The following CCDC73 variants were observed in gnomAD, a reference collection of about 807,000 sequenced individuals.
CCDC73 encodes the protein coiled-coil domain containing 73.
CCDC73 carries 95 observed loss-of-function variants against 116.5 expected under a neutral mutation model. The observed-to-expected ratio is 0.82, with a 90% CI of 0.69 to 0.97. The LOEUF is 0.97. CCDC73 is among the 50% of genes least tolerant of loss of function. The probability of loss-of-function intolerance (pLI) is 0.00; values close to 1 mark genes in which losing one functional copy is unlikely to be tolerated. For missense variants in CCDC73, 1,066 were observed against 1,206.8 expected (o/e 0.88, Z 1.73); for synonymous variants, 398 against 401.3 (o/e 0.99, Z 0.10).
At chr11:32,622,051 A>G (rs534836602) in intron 14 of CCDC73, among the ~76,000 whole-genome samples, 52 of 152,352 alleles carry the variant, frequency 3.4e-4, no homozygotes, top group African/African-American at 1.2e-3. Flanking sequence ...GAATGCTTTT[A>G]CATTGTTGGT....
chr11:32,764,060 A>G (rs929469866), intron 1 of CCDC73, among the ~76,000 whole-genome samples: 1 of 152,260 alleles, frequency 6.6e-6, no homozygotes, highest in African/African-American at 2.4e-5. Context: ...AGAAGTTTAT[A>G]GAAAAAACAG....
At chr11:32,656,304 C>A (rs1220461922) in intron 9 of CCDC73, among the ~76,000 whole-genome samples, 1 of 152,102 alleles carries the variant, frequency 6.6e-6, no homozygotes, top group African/African-American at 2.4e-5. Flanking sequence ...TGGTCTCGAT[C>A]TCCTGACCTT....
At chr11:32,823,337 G>A in the CCDC73 span, among the ~76,000 whole-genome samples, 11 of 152,228 alleles carry the variant, frequency 7.2e-5, 1 homozygote, top group Admixed American at 2.0e-4. Context: ...AGCCAGGCAT[G>A]GTGGTGGGCA....
At chr11:32,713,930 C>A (rs995082322) in intron 3 of CCDC73, among the ~76,000 whole-genome samples, 2 of 152,022 alleles carry the variant, frequency 1.3e-5, no homozygotes, top group Non-Finnish European at 2.9e-5. Flanking sequence ...CTAAAATTAA[C>A]CCCTAGAACA....
rs116253791 is a variant in CCDC73 at position 32,690,557 on chromosome 11, C to T, written c.391-6983G>A. Reference sequence around the variant, plus strand: ...GGGGGCAGTTTCTAATGGTTAGCACCGTCCCCCTAGTGCTGCCTCATGACG... The same window carrying T: ...GGGGGCAGTTTCTAATGGTTAGCACTGTCCCCCTAGTGCTGCCTCATGACG... On this transcript the variant is annotated intron_variant, in intron 6 of 17. Transcript: ENST00000335185. 5.2e-3 allele frequency among the ~76,000 whole-genome samples: 785 copies of T among 152,210 alleles called. 9 individuals are homozygous for T. The highest frequency in any genetic ancestry group is 0.018 in the African/African-American group (739 of 41,530).
intron 5 of CCDC73, among the ~76,000 whole-genome samples, chr11:32,700,527 C>T (rs1849802600): frequency 6.6e-6 from 1 of 152,184 alleles, no homozygotes; most frequent in African/African-American, 2.4e-5. Context: ...AATTTTGCCA[C>T]TTCAAAGTGA....
chr11:32,644,526 T>C (rs172100), intron 12 of CCDC73, among the ~76,000 whole-genome samples: 65,947 of 152,058 alleles, frequency 0.43, 14,723 homozygotes, highest in African/African-American at 0.49. Flanking sequence ...TTTTTAGGTG[T>C]ATAATTCAGT....
In CCDC73 at chr11:32,709,570, A is replaced by G. The variant is rs1010960913; in HGVS notation, c.208-6626T>C. Among the ~76,000 whole-genome samples the G allele has an allele frequency of 2.0e-5, 3 of 152,282 alleles. No individual in the cohort carries two copies. In the East Asian group the frequency reaches 5.8e-4, roughly 29 times the overall value. ...CTTAGCCTCTCAAGGTGCTGGGATTACAGGTGTGAGCCACCATGCACAGCC... is the reference window on the plus strand; with the variant it reads ...CTTAGCCTCTCAAGGTGCTGGGATTGCAGGTGTGAGCCACCATGCACAGCC... On this transcript the variant is annotated intron_variant, in intron 3 of 17. Coordinates refer to ENST00000335185, the MANE Select transcript of CCDC73 (RefSeq NM_001008391.4).
At chr11:32,820,471 A>G in the CCDC73 span, among the ~76,000 whole-genome samples, 2 of 152,186 alleles carry the variant, frequency 1.3e-5, no homozygotes, top group Non-Finnish European at 2.9e-5. Context: ...TTTTTAATAT[A>G]TGTAGAAAAT....
chr11:32,828,535 G>A, the CCDC73 span, among the ~76,000 whole-genome samples: 1 of 151,688 alleles, frequency 6.6e-6, no homozygotes, highest in African/African-American at 2.4e-5. Context: ...AAAATGAAGG[G>A]GGAAAAAATG....
intron 9 of CCDC73, among the ~76,000 whole-genome samples, chr11:32,662,449 T>C (rs1855938267): frequency 6.6e-6 from 1 of 152,228 alleles, no homozygotes; most frequent in Non-Finnish European, 1.5e-5. Flanking sequence ...TGATGAGCAT[T>C]TTTTCATGTG....
Position 32,654,985 on chromosome 11 carries a change from C to T in CCDC73, c.646-13G>A. 6.4e-7 allele frequency: 1 copy of T among 1,556,704 alleles called. No individual in the cohort carries two copies. Among genetic ancestry groups the T allele is most frequent in the Non-Finnish European group, 8.6e-7 (1 of 1,161,050 alleles). Reference sequence around the variant, plus strand: ...CTTTTTTTAGTTCCTTAATAAGAAACATATCAAACAGAAAATTCAGTACAC... The same window carrying T: ...CTTTTTTTAGTTCCTTAATAAGAAATATATCAAACAGAAAATTCAGTACAC... On this transcript the variant is annotated splice_polypyrimidine_tract_variant and intron_variant, in intron 9 of 17. Coordinates refer to ENST00000335185, the MANE Select transcript of CCDC73 (RefSeq NM_001008391.4).
intron 9 of CCDC73, among the ~76,000 whole-genome samples, chr11:32,666,912 G>T (rs1305295696): frequency 1.3e-5 from 2 of 152,196 alleles, no homozygotes; most frequent in Non-Finnish European, 2.9e-5. Context: ...GTTGGAGTTT[G>T]CTGGAGGTCC....
At chr11:32,696,858 A>AT (rs562273835) in intron 6 of CCDC73, among the ~76,000 whole-genome samples, 3,960 of 141,110 alleles carry the variant, frequency 0.028, 75 homozygotes, top group African/African-American at 0.053. Flanking sequence ...AAACACAAGG[A>AT]TTTTTTTTTT....
At chr11:32,828,832 A>G in the CCDC73 span, among the ~76,000 whole-genome samples, 1 of 152,234 alleles carries the variant, frequency 6.6e-6, no homozygotes, top group Non-Finnish European at 1.5e-5. Context: ...AATTTTCAAA[A>G]TATTATTTGA....
rs551686347 is a variant in CCDC73 at position 32,699,460 on chromosome 11, G to A, written c.316-135C>T. On this transcript the variant is annotated intron_variant, in intron 5 of 17. Coordinates refer to ENST00000335185, the MANE Select transcript of CCDC73 (RefSeq NM_001008391.4). The stretch of plus-strand genomic sequence containing the variant: ...TCTAATGTAAATAATAATACAAAGG[G>A]TAAAATATAAGAGCTCAAGAACCAA... 1.3e-5 allele frequency: 15 copies of A among 1,130,602 alleles called. No individual in the cohort carries two copies. In the South Asian group the frequency reaches 2.4e-4, roughly 18 times the overall value. The allele number at this position is 1,130,602 out of a possible 1,614,324, so 70.0% of individuals were successfully genotyped here.
intron 12 of CCDC73, among the ~76,000 whole-genome samples, chr11:32,644,129 T>C (rs1223345730): frequency 6.6e-6 from 1 of 152,108 alleles, no homozygotes; most frequent in Non-Finnish European, 1.5e-5. Flanking sequence ...ATGTGGTACA[T>C]ATACACCATG....
intron 2 of CCDC73, among the ~76,000 whole-genome samples, chr11:32,753,301 T>C (rs1362652458): frequency 1.3e-5 from 2 of 150,484 alleles, no homozygotes; most frequent in Non-Finnish European, 3.0e-5. Context: ...TGCTTTTTTT[T>C]TTTTTTTTCT....
rs1849960821 is a variant in CCDC73 at position 32,718,059 on chromosome 11, C to T, written c.207+17G>A. ...TGAGATTTGGCTGGGGACACAAAGC[C>T]TAATCATATTACTCACCTTTTGCCA... On this transcript the variant is annotated intron_variant, in intron 3 of 17. Coordinates refer to ENST00000335185, the MANE Select transcript of CCDC73 (RefSeq NM_001008391.4). 6.4e-7 allele frequency: 1 copy of T among 1,572,262 alleles called. No homozygotes were observed. The highest frequency in any genetic ancestry group is 8.7e-7 in the Non-Finnish European group (1 of 1,149,356).
Sources: gnomAD v4.1 joint callset for allele counts (sites outside exome capture counted in the v4.1 genomes callset) on GRCh38, gnomAD v4.1.1 for gene constraint, MANE v1.5 for transcripts, NCBI Gene and HGNC (gene_info 2026-07-23, HGNC 2026-07-21) for gene names.